EXOC4: variants seen among roughly 807,000 people sequenced by gnomAD.
EXOC4 encodes the protein SEC8-like 1.
In EXOC4, 71 loss-of-function variants were observed where a neutral mutation model predicts 107.2. The observed-to-expected ratio is 0.66, with a 90% CI of 0.55 to 0.81. EXOC4 has a LOEUF of 0.81. Ranked by LOEUF, EXOC4 falls within the 30% of genes least tolerant of loss-of-function variation. EXOC4 has a pLI of 0.00. For synonymous variants in EXOC4, 456 were observed against 441.2 expected, an observed-to-expected ratio of 1.03 and a Z score of -0.42; for missense variants, 1,108 against 1,189.6, an observed-to-expected ratio of 0.93 and a Z score of 1.01.
rs540313079 is a variant in EXOC4 at position 133,967,423 on chromosome 7, G to A, written c.2206+29354G>A. ...TAGTTCTTTTAATTGTGATGTTAGG[G>A]TCTCAATTTTAGATCTTTCCCGCTT... On this transcript the variant is annotated intron_variant, in intron 14 of 17. Transcript: ENST00000253861. Among the ~76,000 whole-genome samples, 601 of 152,184 alleles carry A rather than the reference G, an allele frequency of 3.9e-3. 5 individuals are homozygous for A. Among genetic ancestry groups the A allele is most frequent in the African/African-American group, 0.014 (571 of 41,512 alleles).
At chr7:133,301,178 C>G (rs1007265781) in intron 3 of EXOC4, among the ~76,000 whole-genome samples, 1 of 152,214 alleles carries the variant, frequency 6.6e-6, no homozygotes, top group African/African-American at 2.4e-5. Flanking sequence ...GCCCTAAAAC[C>G]GCTGGAGGTT....
intron 14 of EXOC4, among the ~76,000 whole-genome samples, chr7:133,996,504 A>G (rs562186160): frequency 7.9e-5 from 12 of 152,188 alleles, no homozygotes; most frequent in Non-Finnish European, 1.8e-4. Flanking sequence ...TTTGAAGAAA[A>G]TGTCTAAGTG....
chr7:134,010,368 G>C (rs907882753), intron 17 of EXOC4: 1 of 152,172 alleles, frequency 6.6e-6, no homozygotes, highest in Non-Finnish European at 1.5e-5. Context: ...GTAAGAAAAA[G>C]CGTATCTTCC....
rs1796543270 is a variant in EXOC4, at chr7:133,378,521, T to C, written c.1182+3519T>C. Among the ~76,000 whole-genome samples the C allele has an allele frequency of 2.6e-5, 4 of 152,212 alleles. 1 individual carries two copies. The South Asian group carries it at 8.3e-4, about 32-fold the overall frequency. On this transcript the variant is annotated intron_variant, in intron 7 of 17. Transcript: ENST00000253861. ...ACAATCATAGTGTATGTGGGTTTTA[T>C]AATATATTTTGGAAGGCAATATATG... is the stretch of plus-strand genomic sequence containing the variant.
At chr7:134,044,783 A>G (rs1481099460) in intron 17 of EXOC4, among the ~76,000 whole-genome samples, 1 of 152,258 alleles carries the variant, frequency 6.6e-6, no homozygotes, top group African/African-American at 2.4e-5. Context: ...TTATATTCAC[A>G]TAGCACTTTA....
At chr7:133,710,086 T>G (rs542549153) in intron 10 of EXOC4, among the ~76,000 whole-genome samples, 8 of 152,170 alleles carry the variant, frequency 5.3e-5, no homozygotes, top group Admixed American at 4.6e-4. Flanking sequence ...AAATAACTTA[T>G]GAGTTTAATA....
chr7:133,824,172 T>G (rs1032856718), intron 11 of EXOC4, among the ~76,000 whole-genome samples: 1 of 151,240 alleles, frequency 6.6e-6, no homozygotes, highest in African/African-American at 2.4e-5. Flanking sequence ...AACACTCCAG[T>G]GATTAAATGG....
intron 1 of EXOC4, among the ~76,000 whole-genome samples, chr7:133,263,924 T>C (rs1018086817): frequency 2.0e-5 from 3 of 152,196 alleles, no homozygotes; most frequent in African/African-American, 7.2e-5. Context: ...TTAAGAAATC[T>C]GCTTCAATTT....
intron 10 of EXOC4, among the ~76,000 whole-genome samples, chr7:133,744,495 AC>A (rs1795634723): frequency 6.6e-6 from 1 of 152,190 alleles, no homozygotes; most frequent in South Asian, 2.1e-4. Flanking sequence ...AACTCAGTGA[AC>A]CCAAAATCTA....
At chr7:133,353,431 ATTTG>A (rs750785122) in intron 5 of EXOC4, among the ~76,000 whole-genome samples, 30 of 151,866 alleles carry the variant, frequency 2.0e-4, no homozygotes, top group Admixed American at 9.2e-4. Flanking sequence ...CAGTTTTTTT[ATTTG>A]TTTGTTTGTT....
rs760937972 is a variant in EXOC4 at position 133,868,193 on chromosome 7, T to C, written c.1735-27406T>C. On this transcript the variant is annotated intron_variant, in intron 11 of 17. Transcript: ENST00000253861. ...GGCTTGAGCTAGGGTCATAGAACCA[T>C]GAAGATTTGGCTGGGCCATTTATTT... Among the ~76,000 whole-genome samples, 104 of 152,300 alleles carry C rather than the reference T, an allele frequency of 6.8e-4. 1 individual carries two copies. Among genetic ancestry groups the C allele is most frequent in the Admixed American group, 1.0e-3 (16 of 15,294 alleles).
intron 9 of EXOC4, among the ~76,000 whole-genome samples, chr7:133,595,859 G>A (rs1801656688): frequency 6.6e-6 from 1 of 152,154 alleles, no homozygotes; most frequent in South Asian, 2.1e-4. Context: ...GAAAGGCTCA[G>A]ATTCTAGTAT....
At chr7:134,021,564 T>G (rs1253476305) in intron 17 of EXOC4, among the ~76,000 whole-genome samples, 1 of 152,158 alleles carries the variant, frequency 6.6e-6, no homozygotes, top group Non-Finnish European at 1.5e-5. Context: ...CCATTTCTCT[T>G]TTTCCTGGAG....
In EXOC4 at chr7:133,605,627, T is replaced by C. The variant is rs921013979; in HGVS notation, c.1418-24418T>C. 2.0e-5 allele frequency among the ~76,000 whole-genome samples: 3 copies of C among 152,176 alleles called. No individual in the cohort carries two copies. In the South Asian group the frequency reaches 6.2e-4, roughly 32 times the overall value. ...GACCATTGAAGGAGCAAGCTGGGGATTGCAGGTGGGTCAGAGTTTGTTTTT... is the reference window on the plus strand; with the variant it reads ...GACCATTGAAGGAGCAAGCTGGGGACTGCAGGTGGGTCAGAGTTTGTTTTT... On this transcript the variant is annotated intron_variant, in intron 9 of 17. Transcript: ENST00000253861.
intron 10 of EXOC4, among the ~76,000 whole-genome samples, chr7:133,719,163 AAG>A (rs1054055921): frequency 2.0e-5 from 3 of 152,152 alleles, no homozygotes; most frequent in African/African-American, 7.2e-5. Flanking sequence ...TGGTTTTAAA[AAG>A]AGCAGTTTCC....
At chr7:134,023,542 T>C (rs1585329653) in intron 17 of EXOC4, among the ~76,000 whole-genome samples, 2 of 152,324 alleles carry the variant, frequency 1.3e-5, no homozygotes, top group South Asian at 4.1e-4. Context: ...ACTAACCTAG[T>C]ATGTTTACGA....
At chr7:133,851,384 A>G (rs967262559) in intron 11 of EXOC4, among the ~76,000 whole-genome samples, 8 of 152,204 alleles carry the variant, frequency 5.3e-5, no homozygotes, top group African/African-American at 1.7e-4. Context: ...GGGCCTTGCT[A>G]TGTTACCCCA....
At chr7:133,755,256 T>TATAGTATAATATATA (rs1795882697) in intron 10 of EXOC4, among the ~76,000 whole-genome samples, 3 of 93,560 alleles carry the variant, frequency 3.2e-5, no homozygotes, top group Non-Finnish European at 6.0e-5. Flanking sequence ...ATATATATTA[T>TATAGTATAATATATA]ATATATATTA....
In EXOC4 at chr7:133,397,198, C is replaced by T. The variant is rs149182295; in HGVS notation, c.1182+22196C>T. 5.8e-3 allele frequency among the ~76,000 whole-genome samples: 873 copies of T among 151,192 alleles called. 2 individuals carry two copies. Among genetic ancestry groups the T allele is most frequent in the Non-Finnish European group, 9.9e-3 (669 of 67,882 alleles). The stretch of plus-strand genomic sequence containing the variant: ...GGCTGGAGTGCAATGGCGTGATCTT[C>T]GGCTCACCGCAACTTCCACCTTCTG... On this transcript the variant is annotated intron_variant, in intron 7 of 17. Transcript: ENST00000253861.
Sources: allele counts gnomAD v4.1 joint callset (sites outside exome capture counted in the v4.1 genomes callset), GRCh38; gene constraint gnomAD v4.1.1; transcripts MANE v1.5; gene names NCBI Gene and HGNC (gene_info 2026-07-23, HGNC 2026-07-21).